EBF2: variants seen among roughly 807,000 people sequenced by gnomAD.
EBF2 encodes the protein transcription factor COE2.
Under a neutral mutation model 72.8 loss-of-function variants are expected in EBF2, and 21 were observed. The observed-to-expected ratio is 0.29, with a 90% CI of 0.20 to 0.42. The LOEUF is 0.42. EBF2 is among the 10% of genes least tolerant of loss of function. The pLI, the probability that EBF2 is intolerant of heterozygous loss-of-function variation, is 1.00. For missense variants in EBF2, 637 were observed against 731.2 expected, an observed-to-expected ratio of 0.87 and a Z score of 1.49; for synonymous variants, 299 against 274.2, an observed-to-expected ratio of 1.09 and a Z score of -0.89.
intron 6 of EBF2, among the ~76,000 whole-genome samples, chr8:26,024,473 ATACT>A (rs942902703): frequency 6.6e-6 from 1 of 152,174 alleles, no homozygotes; most frequent in African/African-American, 2.4e-5. Flanking sequence ...CCCTTGATAA[ATACT>A]TACTAAATAT....
intron 6 of EBF2, among the ~76,000 whole-genome samples, chr8:25,993,294 T>C (rs1244256909): frequency 6.6e-6 from 1 of 152,190 alleles, no homozygotes; most frequent in African/African-American, 2.4e-5. Context: ...TGCCCAGCTA[T>C]TAGGACTCCT....
chr8:26,033,819 G>A (rs528182530), intron 5 of EBF2, among the ~76,000 whole-genome samples: 1 of 152,092 alleles, frequency 6.6e-6, no homozygotes, highest in Non-Finnish European at 1.5e-5. Flanking sequence ...TTGAGGGCAG[G>A]ATTTATGACC....
At chr8:25,988,701 A>G (rs1804499140) in intron 6 of EBF2, among the ~76,000 whole-genome samples, 1 of 152,244 alleles carries the variant, frequency 6.6e-6, no homozygotes, top group African/African-American at 2.4e-5. Flanking sequence ...TACATTTTGC[A>G]TAATATTTTC....
chr8:25,994,027 T>C (rs1804585500), intron 6 of EBF2, among the ~76,000 whole-genome samples: 1 of 152,228 alleles, frequency 6.6e-6, no homozygotes, highest in African/African-American at 2.4e-5. Context: ...CTATATACCC[T>C]GCTTGACAAG....
chr8:26,044,964 G>A lies in EBF2; in HGVS notation c.-105C>T. Reference sequence around the variant, plus strand: ...AATCGTCTCCTCCAAAGCAATCCAAGAAAAGGGATCAAGTGCCCAAGTTTG... The same window carrying A: ...AATCGTCTCCTCCAAAGCAATCCAAAAAAAGGGATCAAGTGCCCAAGTTTG... On this transcript the variant is annotated 5_prime_UTR_variant, in exon 1 of 16. Coordinates refer to ENST00000520164, the MANE Select transcript of EBF2 (RefSeq NM_022659.4). The surrounding 1 kb of genome is among the most constrained non-coding windows in gnomAD (Gnocchi z 4.1). 33 of 1,230,704 alleles carry A rather than the reference G, an allele frequency of 2.7e-5. No homozygotes were observed. Among genetic ancestry groups the A allele is most frequent in the Admixed American group, 9.8e-5 (4 of 41,014 alleles). 76.2% of individuals were successfully genotyped at this position (1,230,704 alleles called of 1,614,324 possible).
chr8:25,936,846 T>A (rs1227399765), intron 6 of EBF2, among the ~76,000 whole-genome samples: 2 of 152,212 alleles, frequency 1.3e-5, no homozygotes, highest in African/African-American at 4.8e-5. Flanking sequence ...AAAAGTATCA[T>A]CTTCATCTGT....
At chr8:25,948,637 G>A (rs898122875) in intron 6 of EBF2, among the ~76,000 whole-genome samples, 18 of 152,214 alleles carry the variant, frequency 1.2e-4, no homozygotes, top group African/African-American at 2.4e-5. Context: ...GGGGCCTGAG[G>A]CCCTTCCCGA....
chr8:25,945,391 C>A (rs975903297), intron 6 of EBF2, among the ~76,000 whole-genome samples: 68 of 152,184 alleles, frequency 4.5e-4, no homozygotes, highest in African/African-American at 1.6e-3. Flanking sequence ...GGAACCCAGG[C>A]AAAGATGCCT....
chr8:25,868,119 A>G (rs17054500), intron 10 of EBF2, among the ~76,000 whole-genome samples: 8,331 of 152,198 alleles, frequency 0.055, 808 homozygotes, highest in African/African-American at 0.19. Context: ...ATTTTGTTGT[A>G]ATTTTCTGAT....
intron 7 of EBF2, among the ~76,000 whole-genome samples, chr8:25,898,710 T>C (rs2117302613): frequency 6.6e-6 from 1 of 152,284 alleles, no homozygotes; most frequent in South Asian, 2.1e-4. Context: ...CAGTTCTTTG[T>C]TTGGCTTGGG....
At chr8:25,887,113 CTCTGTCTCTCTCTCTCTCTCTCTG>C (rs1042901172) in intron 9 of EBF2, among the ~76,000 whole-genome samples, 1 of 101,240 alleles carries the variant, frequency 9.9e-6, no homozygotes, top group African/African-American at 2.6e-5. Context: ...GTGTGTATGT[CTCTGTCTCTCTCTCTCTCTCTCTG>C]TCTGTCTCTC....
At chr8:25,971,834 C>A (rs1804195158) in intron 6 of EBF2, among the ~76,000 whole-genome samples, 1 of 151,954 alleles carries the variant, frequency 6.6e-6, no homozygotes, top group Non-Finnish European at 1.5e-5. Context: ...TGCAAAAAAA[C>A]AAAAATAGGG....
chr8:26,028,548 T>A (rs1805341630), intron 6 of EBF2, among the ~76,000 whole-genome samples: 1 of 152,188 alleles, frequency 6.6e-6, no homozygotes, highest in Non-Finnish European at 1.5e-5. Flanking sequence ...TTCTCCCACA[T>A]TAGTCAGACT....
Position 25,861,235 on chromosome 8 carries a change from C to T in EBF2, c.1165-9G>A. On this transcript the variant is annotated splice_polypyrimidine_tract_variant and intron_variant, in intron 12 of 15. Coordinates refer to ENST00000520164, the MANE Select transcript of EBF2 (RefSeq NM_022659.4). ...CGCTTCAAAATGATGTCCTACAAAA[C>T]AACAGGTTAATGTGAGCATTCTATC... The T allele has an allele frequency of 7.4e-6, 12 of 1,613,020 alleles. No homozygotes were observed. Among genetic ancestry groups the T allele is most frequent in the Non-Finnish European group, 1.0e-5 (12 of 1,179,338 alleles).
At chr8:25,852,344 T>C (rs78668385) in intron 14 of EBF2, among the ~76,000 whole-genome samples, 2,293 of 152,240 alleles carry the variant, frequency 0.015, 112 homozygotes, top group Admixed American at 0.092. Context: ...CAACTTTTCA[T>C]TTTCTCTACG....
chr8:25,946,586 G>T (rs919528624), intron 6 of EBF2, among the ~76,000 whole-genome samples: 3 of 152,136 alleles, frequency 2.0e-5, no homozygotes, highest in Non-Finnish European at 2.9e-5. Flanking sequence ...ACCCAAACCA[G>T]CTCCTACTCC....
At chr8:25,953,797 T>G (rs983881499) in intron 6 of EBF2, among the ~76,000 whole-genome samples, 12 of 152,186 alleles carry the variant, frequency 7.9e-5, no homozygotes, top group Non-Finnish European at 1.8e-4. Context: ...CAGTCCCTAG[T>G]TAGGGCAACA....
chr8:25,980,620 T>C (rs1477483916), intron 6 of EBF2, among the ~76,000 whole-genome samples: 4 of 151,900 alleles, frequency 2.6e-5, no homozygotes, highest in Non-Finnish European at 4.4e-5. Flanking sequence ...TATCGAATTA[T>C]ACACCTCATG....
intron 2 of EBF2, among the ~76,000 whole-genome samples, chr8:26,041,663 A>C (rs1805602823): frequency 6.6e-6 from 1 of 152,160 alleles, no homozygotes; most frequent in Admixed American, 6.5e-5. Flanking sequence ...AGAACAGGAG[A>C]GAAGACACGG....
Sources: gnomAD v4.1 joint callset for allele counts (sites outside exome capture counted in the v4.1 genomes callset) on GRCh38, gnomAD v4.1.1 for gene constraint, Gnocchi (gnomAD v3.1) non-coding constraint, MANE v1.5 for transcripts, NCBI Gene and HGNC (gene_info 2026-07-23, HGNC 2026-07-21) for gene names.